The following TANC2 variants were observed in gnomAD, a reference collection of about 807,000 sequenced individuals.
The protein encoded by TANC2 is protein TANC2.
Under a neutral mutation model 210.5 loss-of-function variants are expected in TANC2, and 26 were observed. The observed-to-expected ratio is 0.12, with a 90% CI of 0.09 to 0.17. TANC2 has a LOEUF of 0.17. TANC2 is among the 10% of genes least tolerant of loss of function. TANC2 has a pLI of 1.00. For synonymous variants in TANC2, 931 were observed against 967.1 expected (o/e 0.96, Z 0.69); for missense variants, 2,129 against 2,608.9 (o/e 0.82, Z 4.01).
chr17:63,081,596 T>C (rs1252010541), intron 3 of TANC2, among the ~76,000 whole-genome samples: 1 of 152,228 alleles, frequency 6.6e-6, no homozygotes, highest in East Asian at 1.9e-4. Context: ...TCTTAATTTC[T>C]TAAAATCTGT....
Position 63,081,317 on chromosome 17 carries a change from T to A in TANC2, c.139+7303T>A, listed in dbSNP as rs184375735. 3.9e-5 allele frequency among the ~76,000 whole-genome samples: 6 copies of A among 152,300 alleles called. 1 individual carries two copies. The highest frequency in any genetic ancestry group is 1.3e-4 in the Admixed American group (2 of 15,310). On this transcript the variant is annotated intron_variant, in intron 3 of 27. Coordinates refer to ENST00000689528, the Ensembl canonical transcript of TANC2. Reference sequence around the variant, plus strand: ...TATTGTTATAGTTTCATTAATTTTTTAAAAAGTTAATTTATACCAAACAAT... The same window carrying A: ...TATTGTTATAGTTTCATTAATTTTTAAAAAAGTTAATTTATACCAAACAAT...
At chr17:63,211,401 AAT>A (rs2041880329) in intron 7 of TANC2, among the ~76,000 whole-genome samples, 1 of 151,962 alleles carries the variant, frequency 6.6e-6, no homozygotes, top group East Asian at 1.9e-4. Flanking sequence ...TTCTAGCGGC[AAT>A]AGTTTTTTTT....
exon 25 of TANC2, chr17:63,413,590 A>T (rs1212598093): frequency 6.2e-7 from 1 of 1,602,804 alleles, no homozygotes; most frequent in South Asian, 1.1e-5. Flanking sequence ...CATCATGATC[A>T]TCCTGTTGAG....
intron 4 of TANC2, among the ~76,000 whole-genome samples, chr17:63,102,964 G>A (rs2037686343): frequency 6.6e-6 from 1 of 152,104 alleles, no homozygotes; most frequent in African/African-American, 2.4e-5. Context: ...GATATTATAA[G>A]TAATTTAGAA....
chr17:63,154,760 C>G (rs1298525180), intron 5 of TANC2: 1 of 151,822 alleles, frequency 6.6e-6, no homozygotes, highest in Non-Finnish European at 1.5e-5. Flanking sequence ...GGTTTAGGGT[C>G]ATTTTTTGTT....
chr17:63,409,913 T>C (rs1387304061), intron 21 of TANC2, among the ~76,000 whole-genome samples: 1 of 152,244 alleles, frequency 6.6e-6, no homozygotes, highest in African/African-American at 2.4e-5. Flanking sequence ...TTTTGCATTT[T>C]GAAGTATTTG....
At chr17:63,009,756 G>A (rs990420410) in intron 2 of TANC2, 130 bp downstream of exon 2, 16 of 749,400 alleles carry the variant, frequency 2.1e-5, no homozygotes, top group African/African-American at 7.0e-5. Flanking sequence ...ACATTTCTTT[G>A]GGCTTTCATA....
At chr17:63,185,656 C>G (rs757737995) in intron 5 of TANC2, among the ~76,000 whole-genome samples, 19 of 152,194 alleles carry the variant, frequency 1.2e-4, no homozygotes, top group Non-Finnish European at 1.9e-4. Flanking sequence ...CCTTTGCCCC[C>G]TACTGTCAGA....
intron 1 of TANC2, among the ~76,000 whole-genome samples, chr17:62,997,866 A>G (rs933596528): frequency 1.3e-5 from 2 of 152,222 alleles, no homozygotes; most frequent in South Asian, 4.1e-4. Context: ...GAATAAAAGT[A>G]ATATAAAACC....
At position 63,421,628 on chromosome 17, in the gene TANC2, A is replaced by G; in HGVS notation, c.5898A>G (p.Pro1966=). The change falls in exon 28 of 28, where the codon CCA becomes CCG. Residue 1966 remains proline (P), a synonymous_variant. Transcript: ENST00000689528. This position sits in a 1 kb window ranked among gnomAD's most constrained non-coding sequence, Gnocchi z 6.9. ...ACACCGTCCTCAGTCCCACGTCTCC[A>G]GGCAACCTGCCTCAGCCTGAGTCCT... 1 of 1,614,046 alleles carries G rather than the reference A, an allele frequency of 6.2e-7. No individual in the cohort carries two copies. The highest frequency in any genetic ancestry group is 1.1e-5 in the South Asian group (1 of 91,090).
At chr17:63,381,618 TTA>T (rs1418699840) in intron 15 of TANC2, 3 of 152,202 alleles carry the variant, frequency 2.0e-5, no homozygotes, top group Non-Finnish European at 2.9e-5. Context: ...TTCTCTGGTT[TTA>T]TATTCATAAA....
intron 5 of TANC2, among the ~76,000 whole-genome samples, chr17:63,156,467 G>C (rs927798769): frequency 1.0e-4 from 15 of 150,564 alleles, no homozygotes; most frequent in African/African-American, 3.7e-4. Context: ...AGAACAAAAA[G>C]CTAGAAGTTG....
intron 26 of TANC2, among the ~76,000 whole-genome samples, chr17:63,417,518 G>A (rs965629889): frequency 1.3e-5 from 2 of 151,996 alleles, no homozygotes; most frequent in Non-Finnish European, 2.9e-5. Flanking sequence ...AGTCACAGCT[G>A]GGGTCTTCTC....
At chr17:63,309,109 G>A (rs763889138) in intron 9 of TANC2, among the ~76,000 whole-genome samples, 1 of 152,024 alleles carries the variant, frequency 6.6e-6, no homozygotes, top group Non-Finnish European at 1.5e-5. Context: ...ATTTTTGGTA[G>A]ATACACCATA....
intron 11 of TANC2, among the ~76,000 whole-genome samples, chr17:63,329,603 A>G (rs1281041604): frequency 3.3e-5 from 5 of 152,190 alleles, no homozygotes; most frequent in African/African-American, 1.2e-4. Context: ...AATGCTTGCA[A>G]TATTTCAAAC....
At chr17:63,163,541 C>T (rs575821161) in intron 5 of TANC2, among the ~76,000 whole-genome samples, 8 of 152,228 alleles carry the variant, frequency 5.3e-5, no homozygotes, top group Admixed American at 2.0e-4. Context: ...TGGAGTGTTA[C>T]GGAAGAAAGT....
intron 9 of TANC2, among the ~76,000 whole-genome samples, chr17:63,301,905 G>A (rs1271694519): frequency 6.6e-6 from 1 of 152,148 alleles, no homozygotes; most frequent in African/African-American, 2.4e-5. Flanking sequence ...GCTTTCTGAT[G>A]TGGGCATTTA....
chr17:63,118,734 T>A (rs773495924), intron 4 of TANC2, among the ~76,000 whole-genome samples: 1 of 151,776 alleles, frequency 6.6e-6, no homozygotes, highest in Non-Finnish European at 1.5e-5. Context: ...CTCACCCTAT[T>A]GAGTAGCTTG....
At chr17:63,224,514 C>G (rs931681619) in intron 7 of TANC2, among the ~76,000 whole-genome samples, 5 of 152,190 alleles carry the variant, frequency 3.3e-5, no homozygotes, top group Non-Finnish European at 4.4e-5. Flanking sequence ...GCTGGGATTA[C>G]AGGCGTGAGC....
Sources: gnomAD v4.1 joint callset for allele counts (sites outside exome capture counted in the v4.1 genomes callset) on GRCh38, gnomAD v4.1.1 for gene constraint, Gnocchi (gnomAD v3.1) non-coding constraint, MANE v1.5 for transcripts, NCBI Gene and HGNC (gene_info 2026-07-23, HGNC 2026-07-21) for gene names.